PLA2G5: variants seen among roughly 807,000 people sequenced by gnomAD.
The protein encoded by PLA2G5 is phospholipase A2 group V.
Under a neutral mutation model 15.9 loss-of-function variants are expected in PLA2G5, and 12 were observed. That is an observed-to-expected ratio of 0.76 (90% CI 0.48 to 1.23). The LOEUF is 1.23. Ranked by LOEUF, PLA2G5 falls within the 50% of genes most tolerant of loss-of-function variation. PLA2G5 has a pLI of 0.00. For synonymous variants in PLA2G5, 71 were observed against 71.4 expected, an observed-to-expected ratio of 0.99 and a Z score of 0.03; for missense variants, 169 against 177.1, an observed-to-expected ratio of 0.95 and a Z score of 0.26.
At chr1:20,055,569 C>G (rs900874130) in intron 1 of PLA2G5, among the ~76,000 whole-genome samples, 7 of 152,108 alleles carry the variant, frequency 4.6e-5, no homozygotes, top group African/African-American at 1.7e-4. Flanking sequence ...CTGGGATAAC[C>G]CCTTCTAGTA....
At chr1:20,028,808 T>G (rs1461539090) in intron 1 of PLA2G5, 1 of 152,186 alleles carries the variant, frequency 6.6e-6, no homozygotes, top group Non-Finnish European at 1.5e-5. Context: ...AGCAGGGATG[T>G]TTAGTCTGAA....
At chr1:20,086,009 G>A in intron 2 of PLA2G5, 74 bp from the exon 3 acceptor site, 1 of 1,500,954 alleles carries the variant, frequency 6.7e-7, no homozygotes, top group South Asian at 1.2e-5. Context: ...GAAAGGGTAG[G>A]AGATGTTGGG....
At chr1:20,060,457 T>A (rs1308887657) in intron 2 of PLA2G5, among the ~76,000 whole-genome samples, 1 of 151,970 alleles carries the variant, frequency 6.6e-6, no homozygotes, top group East Asian at 1.9e-4. Flanking sequence ...TTCATCATGT[T>A]GATCAGGCTG....
chr1:20,039,845 T>A (rs778064197), intron 1 of PLA2G5, among the ~76,000 whole-genome samples: 8 of 152,196 alleles, frequency 5.3e-5, no homozygotes, highest in Non-Finnish European at 1.2e-4. Context: ...CTTGGTCAGG[T>A]TTCTTAAACT....
rs186616196 is a variant in PLA2G5, at chr1:20,081,913, G to A, written c.-10-2908G>A. Among the ~76,000 whole-genome samples the A allele has an allele frequency of 2.5e-3, 383 of 151,926 alleles. 11 individuals are homozygous for A. The highest frequency in any genetic ancestry group is 8.6e-3 in the African/African-American group (355 of 41,220). ...TGAAAATACAAAAAATTAGCCAGGC[G>A]TGGTGGCAGGCACCTGTAATCTCAG... is the stretch of plus-strand genomic sequence containing the variant. On this transcript the variant is annotated intron_variant, in intron 1 of 4. Transcript: ENST00000375108.
Position 20,085,955 on chromosome 1 carries a change from G to C in PLA2G5, c.41-128G>C, listed in dbSNP as rs999186259. On this transcript the variant is annotated intron_variant, in intron 2 of 4. Coordinates refer to ENST00000375108, the MANE Select transcript of PLA2G5 (RefSeq NM_000929.3). ...GCACCTCCCTTCCCACTAATGGAGA[G>C]AATAAAAAAGAGACATGCAGGTCCC... 3.5e-6 allele frequency: 3 copies of C among 846,464 alleles called. No homozygotes were observed. In the Admixed American group the frequency reaches 8.0e-5, roughly 23 times the overall value. The allele number at this position is 846,464 out of a possible 1,614,324, so 52.4% of individuals were successfully genotyped here.
chr1:20,064,201 C>T (rs551387398), intron 2 of PLA2G5, among the ~76,000 whole-genome samples: 61 of 152,104 alleles, frequency 4.0e-4, no homozygotes, highest in Non-Finnish European at 7.8e-4. Flanking sequence ...TGGAAACAGA[C>T]CTTTCAAGAT....
chr1:20,074,674 G>C (rs2100555632), intron 1 of PLA2G5, among the ~76,000 whole-genome samples: 1 of 152,334 alleles, frequency 6.6e-6, no homozygotes, highest in East Asian at 1.9e-4. Context: ...CTTCCGGGGA[G>C]AGGAAACTCA....
At chr1:20,051,309 A>C (rs1428523903) in intron 1 of PLA2G5, among the ~76,000 whole-genome samples, 3 of 152,222 alleles carry the variant, frequency 2.0e-5, no homozygotes, top group African/African-American at 4.8e-5. Flanking sequence ...TTGTGACATC[A>C]GAATAGAAGA....
At chr1:20,049,348 G>A (rs1011982742) in intron 1 of PLA2G5, among the ~76,000 whole-genome samples, 18 of 152,174 alleles carry the variant, frequency 1.2e-4, no homozygotes, top group African/African-American at 4.3e-4. Context: ...TGAGCTTGAT[G>A]TAAAAAACTC....
chr1:20,072,905 C>T (rs2015457876), intron 1 of PLA2G5, among the ~76,000 whole-genome samples: 1 of 152,226 alleles, frequency 6.6e-6, no homozygotes, highest in Non-Finnish European at 1.5e-5. Flanking sequence ...CTTTTCGGTG[C>T]TTGCACGGGT....
rs183350956 is a variant in PLA2G5 at position 20,042,934 on chromosome 1, G to A, written n.276+14225G>A. On this transcript the variant is annotated intron_variant and non_coding_transcript_variant, in intron 1 of 6. Transcript: ENST00000460175. ...TGTCCTGTTGGGAAGATTTGTAGGA[G>A]GGGCTATAAAGTAGAAGGTTGTCAA... Among the ~76,000 whole-genome samples, 407 of 152,266 alleles carry A rather than the reference G, an allele frequency of 2.7e-3. 5 individuals carry two copies. Among genetic ancestry groups the A allele is most frequent in the African/African-American group, 9.2e-3 (384 of 41,532 alleles).
chr1:20,079,283 G>A (rs534295256), intron 1 of PLA2G5, among the ~76,000 whole-genome samples: 1 of 152,202 alleles, frequency 6.6e-6, no homozygotes, highest in East Asian at 1.9e-4. Flanking sequence ...GCATTACTCT[G>A]CCTTTGCTAT....
Position 20,089,883 on chromosome 1 carries a change from G to A in PLA2G5, c.280G>A (p.Val94Met). 1 of 1,612,490 alleles carries A rather than the reference G, an allele frequency of 6.2e-7. No homozygotes were observed. Among genetic ancestry groups the A allele is most frequent in the Non-Finnish European group, 8.5e-7 (1 of 1,178,834 alleles). The change falls in exon 4 of 5, where the codon GTG (valine) becomes ATG (methionine). Residue 94 changes from valine to methionine, a missense_variant. Val to Met is a conservative substitution (Grantham distance 21). Coordinates refer to ENST00000375108, the MANE Select transcript of PLA2G5 (RefSeq NM_000929.3). ...CTACAAATACAGATTCGCGTGGGGC[G>A]TGGTCACCTGCGGTAAGGCTGGGGC... ...QSYKYRFAWG[V>M]VTCEPGPFCH...
chr1:20,060,577 C>T lies in PLA2G5; in HGVS notation n.337+885C>T, dbSNP rs79732072. Among the ~76,000 whole-genome samples the T allele has an allele frequency of 4.1e-4, 61 of 150,534 alleles. No individual in the cohort carries two copies. In the East Asian group the frequency reaches 0.01, roughly 25 times the overall value. On this transcript the variant is annotated intron_variant and non_coding_transcript_variant, in intron 2 of 6. Coordinates refer to the PLA2G5 transcript ENST00000460175. Reference sequence around the variant, plus strand: ...CAGTTCAGTGTTTTCAACAGAAAGACATTAGATTGCAGTGGTCAGTTTAGG... The same window carrying T: ...CAGTTCAGTGTTTTCAACAGAAAGATATTAGATTGCAGTGGTCAGTTTAGG...
In PLA2G5 at chr1:20,086,113, A is replaced by C; in HGVS notation, c.71A>C (p.Asp24Ala). The C allele has an allele frequency of 6.2e-7, 1 of 1,614,020 alleles. No homozygotes were observed. The highest frequency in any genetic ancestry group is 8.5e-7 in the Non-Finnish European group (1 of 1,179,990). The change falls in exon 3 of 5, where the codon GAC (aspartate) becomes GCC (alanine). Residue 24 changes from aspartate (D) to alanine (A), a missense_variant. Asp to Ala is a moderately radical substitution (Grantham distance 126, BLOSUM62 -2). Transcript: ENST00000375108. The part of the protein sequence containing the change: ...SVPAVQGGLL[D>A]LKSMIEKVTG... ...CCTGCTGTGCAAGGAGGCTTGCTGG[A>C]CCTAAAATCAATGATCGAGAAGGTG...
intron 1 of PLA2G5, among the ~76,000 whole-genome samples, chr1:20,032,823 G>A (rs1292981694): frequency 6.6e-6 from 1 of 152,150 alleles, no homozygotes; most frequent in African/African-American, 2.4e-5. Flanking sequence ...CAGTAATGAT[G>A]GGGTTTTAAG....
At chr1:20,071,056 C>T (rs2015345212) in intron 1 of PLA2G5, 1 of 152,160 alleles carries the variant, frequency 6.6e-6, no homozygotes. Context: ...GTATACGTGG[C>T]CTCAGGAGTC....
intron 3 of PLA2G5, among the ~76,000 whole-genome samples, chr1:20,088,214 G>A (rs1213998562): frequency 2.0e-5 from 3 of 152,174 alleles, no homozygotes; most frequent in Admixed American, 6.5e-5. Context: ...AAAATTATCT[G>A]GGCATGGTGG....
Sources: allele counts gnomAD v4.1 joint callset (sites outside exome capture counted in the v4.1 genomes callset), GRCh38; gene constraint gnomAD v4.1.1; transcripts MANE v1.5; gene names NCBI Gene and HGNC (gene_info 2026-07-23, HGNC 2026-07-21).